MDFIC: variants seen among roughly 807,000 people sequenced by gnomAD.
MDFIC encodes the protein myoD family inhibitor domain-containing protein.
MDFIC carries 17 observed loss-of-function variants against 23.2 expected under a neutral mutation model. That is an observed-to-expected ratio of 0.73 (90% confidence interval 0.50 to 1.10). The LOEUF (loss-of-function observed/expected upper bound fraction) is 1.10, where lower values mean the gene tolerates loss of function less well. MDFIC is among the 50% of genes least tolerant of loss of function. MDFIC has a pLI of 0.00. For synonymous variants in MDFIC, 120 were observed against 115.2 expected, an observed-to-expected ratio of 1.04 and a Z score of -0.27; for missense variants, 356 against 316.6, an observed-to-expected ratio of 1.12 and a Z score of -0.95.
At chr7:114,939,889 T>A (rs1377845144) in intron 2 of MDFIC, among the ~76,000 whole-genome samples, 1 of 152,220 alleles carries the variant, frequency 6.6e-6, no homozygotes, top group Non-Finnish European at 1.5e-5. Flanking sequence ...CCTACTAGCA[T>A]GACACCTGGC....
chr7:114,946,520 A>C (rs988103490), intron 3 of MDFIC, among the ~76,000 whole-genome samples: 1 of 152,188 alleles, frequency 6.6e-6, no homozygotes, highest in Non-Finnish European at 1.5e-5. Context: ...TTCTCTTCTG[A>C]AATAAATTTC....
chr7:115,008,264 G>C (rs1216948990), intron 4 of MDFIC, among the ~76,000 whole-genome samples: 1 of 151,346 alleles, frequency 6.6e-6, no homozygotes, highest in Non-Finnish European at 1.5e-5. Context: ...AACTTATTGA[G>C]GAGTCACTTT....
intron 3 of MDFIC, among the ~76,000 whole-genome samples, chr7:114,971,732 AT>A (rs545545732): frequency 4.0e-5 from 6 of 151,594 alleles, no homozygotes; most frequent in South Asian, 2.1e-4. Flanking sequence ...AATATAGTGG[AT>A]TTTTTTTTCT....
At position 114,979,793 on chromosome 7, in the gene MDFIC, A is replaced by T. The variant is rs778211383; in HGVS notation, c.493+12A>T. The T allele has an allele frequency of 1.2e-5, 19 of 1,609,652 alleles. No homozygotes were observed. The highest frequency in any genetic ancestry group is 4.5e-5 in the East Asian group (2 of 44,828). On this transcript the variant is annotated intron_variant, in intron 4 of 4. Coordinates refer to ENST00000393486, the MANE Select transcript of MDFIC (RefSeq NM_001166345.3). The stretch of plus-strand genomic sequence containing the variant: ...CTCTTCACCTGAAGGTAAGTTTGAG[A>T]TATATGTAGATTTTATTTGACCAGA...
At chr7:114,960,591 T>A (rs756656974) in intron 3 of MDFIC, among the ~76,000 whole-genome samples, 5 of 152,158 alleles carry the variant, frequency 3.3e-5, no homozygotes, top group Non-Finnish European at 7.3e-5. Flanking sequence ...CTTTTAAATA[T>A]AATGAAAGAT....
chr7:114,930,844 A>G (rs758698048), intron 2 of MDFIC, among the ~76,000 whole-genome samples: 8 of 152,382 alleles, frequency 5.2e-5, no homozygotes, highest in Non-Finnish European at 8.8e-5. Flanking sequence ...AAGGCAGAGG[A>G]TAAATCGTGA....
intron 4 of MDFIC, among the ~76,000 whole-genome samples, chr7:115,002,764 A>G (rs1010045199): frequency 4.6e-5 from 7 of 152,048 alleles, no homozygotes; most frequent in Admixed American, 4.6e-4. Flanking sequence ...CACACACCCC[A>G]TCACTGCCCA....
intron 3 of MDFIC, among the ~76,000 whole-genome samples, chr7:114,963,376 C>G (rs1188869759): frequency 1.3e-5 from 2 of 152,244 alleles, no homozygotes; most frequent in Admixed American, 6.5e-5. Context: ...ATGTGCTGAG[C>G]CTTGTTCGGC....
intron 4 of MDFIC, among the ~76,000 whole-genome samples, chr7:114,997,287 A>G (rs750979110): frequency 6.6e-6 from 1 of 152,152 alleles, no homozygotes; most frequent in African/African-American, 2.4e-5. Context: ...GCTATTGGTA[A>G]TGAACTAGTA....
At chr7:114,979,268 C>G (rs1217614371) in intron 3 of MDFIC, among the ~76,000 whole-genome samples, 1 of 152,084 alleles carries the variant, frequency 6.6e-6, no homozygotes, top group Middle Eastern at 3.2e-3. Context: ...TTTCTATGGT[C>G]TACTTTTTAT....
intron 4 of MDFIC, among the ~76,000 whole-genome samples, chr7:115,001,623 A>G (rs1791467234): frequency 6.6e-6 from 1 of 152,182 alleles, no homozygotes; most frequent in African/African-American, 2.4e-5. Context: ...AATTGCATGG[A>G]GTCAACAGGT....
chr7:114,947,729 A>G (rs1484501423), intron 3 of MDFIC, among the ~76,000 whole-genome samples: 2 of 152,178 alleles, frequency 1.3e-5, no homozygotes, highest in African/African-American at 4.8e-5. Context: ...CATTACTGCT[A>G]ATGCTGGGCC....
chr7:114,991,866 G>GT (rs1381845909), intron 4 of MDFIC, among the ~76,000 whole-genome samples: 3 of 152,162 alleles, frequency 2.0e-5, no homozygotes, highest in African/African-American at 7.2e-5. Flanking sequence ...CTTTAAAGTA[G>GT]TTTTTTCCAA....
At chr7:114,976,640 T>C (rs1317694470) in intron 3 of MDFIC, among the ~76,000 whole-genome samples, 1 of 152,150 alleles carries the variant, frequency 6.6e-6, no homozygotes, top group African/African-American at 2.4e-5. Flanking sequence ...AACAGGATGT[T>C]CTATATTAGT....
intron 2 of MDFIC, among the ~76,000 whole-genome samples, chr7:114,942,040 T>C (rs982915953): frequency 6.6e-6 from 1 of 152,186 alleles, no homozygotes; most frequent in East Asian, 1.9e-4. Flanking sequence ...TACTGTAAAC[T>C]TAACAGATTA....
At chr7:114,975,880 G>A (rs1793298904) in intron 3 of MDFIC, among the ~76,000 whole-genome samples, 1 of 151,974 alleles carries the variant, frequency 6.6e-6, no homozygotes, top group African/African-American at 2.4e-5. Flanking sequence ...AAAAAAACTA[G>A]AGTAAAGGGA....
chr7:114,955,801 A>G (rs1210413313), intron 3 of MDFIC, among the ~76,000 whole-genome samples: 1 of 152,148 alleles, frequency 6.6e-6, no homozygotes, highest in Non-Finnish European at 1.5e-5. Flanking sequence ...ATATTAAAAG[A>G]TGTTTTTATT....
intron 3 of MDFIC, among the ~76,000 whole-genome samples, chr7:114,977,103 A>G (rs1466376962): frequency 1.3e-5 from 2 of 152,196 alleles, no homozygotes; most frequent in East Asian, 3.8e-4. Context: ...ATAGCACAGT[A>G]AAATTTTCAC....
At chr7:114,973,583 TC>T (rs1178350651) in intron 3 of MDFIC, among the ~76,000 whole-genome samples, 1 of 152,134 alleles carries the variant, frequency 6.6e-6, no homozygotes, top group Non-Finnish European at 1.5e-5. Flanking sequence ...GAGAAGAATC[TC>T]TTACTCCAGG....
Sources: gnomAD v4.1 joint callset for allele counts (sites outside exome capture counted in the v4.1 genomes callset) on GRCh38, gnomAD v4.1.1 for gene constraint, MANE v1.5 for transcripts, NCBI Gene and HGNC (gene_info 2026-07-23, HGNC 2026-07-21) for gene names.